Variants in ADGRL3 observed in about 807,000 individuals in gnomAD.
The protein encoded by ADGRL3 is calcium-independent alpha-latrotoxin receptor 3.
In ADGRL3, 62 loss-of-function variants were observed where a neutral mutation model predicts 153.5. The observed-to-expected ratio is 0.40, with a 90% CI of 0.33 to 0.50. The LOEUF is 0.50. Ranked by LOEUF, ADGRL3 falls within the 20% of genes least tolerant of loss-of-function variation. The pLI, the probability that ADGRL3 is intolerant of heterozygous loss-of-function variation, is 0.47. For missense variants in ADGRL3, 1,641 were observed against 1,859.4 expected, an observed-to-expected ratio of 0.88 and a Z score of 2.16; for synonymous variants, 710 against 672.5, an observed-to-expected ratio of 1.06 and a Z score of -0.86.
chr4:61,861,201 A>G (rs758266739), intron 9 of ADGRL3, among the ~76,000 whole-genome samples: 5 of 152,186 alleles, frequency 3.3e-5, no homozygotes, highest in African/African-American at 4.8e-5. Context: ...AAAAGCAAGG[A>G]TTTGGAAATA....
At chr4:61,369,615 T>C (rs2096481233) in intron 1 of ADGRL3, among the ~76,000 whole-genome samples, 2 of 152,312 alleles carry the variant, frequency 1.3e-5, no homozygotes, top group Middle Eastern at 6.8e-3. Context: ...TTTGATGTGC[T>C]GCTGGATTCG....
chr4:61,362,812 A>G (rs917561333), intron 1 of ADGRL3, among the ~76,000 whole-genome samples: 6 of 152,136 alleles, frequency 3.9e-5, no homozygotes, highest in South Asian at 4.1e-4. Context: ...GAGTCAAACT[A>G]TATAAAGTTT....
chr4:62,063,696 C>T (rs968296767), intron 25 of ADGRL3: 4 of 565,050 alleles, frequency 7.1e-6, no homozygotes, highest in Non-Finnish European at 1.3e-5. Context: ...GTTTTATGGG[C>T]AAATTCTATT....
intron 25 of ADGRL3, 47 bp from the exon 26 acceptor site, chr4:62,068,119 A>G: frequency 1.5e-6 from 2 of 1,360,992 alleles, no homozygotes; most frequent in Non-Finnish European, 2.0e-6. Flanking sequence ...TGTCGCTGTA[A>G]GCTTACTTGT....
In ADGRL3 at chr4:62,072,491, T is replaced by C. The variant is rs1746003726; in HGVS notation, c.*1583T>C. On this transcript the variant is annotated 3_prime_UTR_variant, in exon 27 of 27. Transcript: ENST00000683033. The stretch of plus-strand genomic sequence containing the variant: ...TATGATTAATCAGTCTTTTTATTTT[T>C]CTCGCCTTTCTTTCTTTCTGTTTTC... 1 of 152,610 alleles carries C rather than the reference T, an allele frequency of 6.6e-6. No homozygotes were observed. The highest frequency in any genetic ancestry group is 1.5e-5 in the Non-Finnish European group (1 of 68,040). The allele number at this position is 152,610 out of a possible 1,614,324, so 9.5% of individuals were successfully genotyped here.
chr4:61,371,163 A>G (rs982155351), intron 1 of ADGRL3, among the ~76,000 whole-genome samples: 6 of 150,738 alleles, frequency 4.0e-5, no homozygotes, highest in African/African-American at 1.5e-4. Flanking sequence ...CAGCACACTG[A>G]TGGGTCTTGA....
intron 1 of ADGRL3, among the ~76,000 whole-genome samples, chr4:61,362,681 G>A (rs956077256): frequency 2.6e-5 from 4 of 152,004 alleles, no homozygotes; most frequent in African/African-American, 4.8e-5. Flanking sequence ...TTTCAGCCTC[G>A]TCTTCACATT....
At chr4:62,066,203 A>C (rs1395839026) in intron 25 of ADGRL3, among the ~76,000 whole-genome samples, 2 of 152,056 alleles carry the variant, frequency 1.3e-5, no homozygotes, top group Non-Finnish European at 2.9e-5. Context: ...CTTTCAGATG[A>C]ATGCACTTAT....
chr4:61,356,637 G>A (rs914635612), intron 1 of ADGRL3, among the ~76,000 whole-genome samples: 1 of 151,928 alleles, frequency 6.6e-6, no homozygotes, highest in African/African-American at 2.4e-5. Flanking sequence ...GCATCAAATA[G>A]CTTCTTGAAT....
intron 6 of ADGRL3, 119 bp from the exon 7 acceptor site, chr4:61,730,503 A>T: frequency 3.3e-6 from 1 of 306,028 alleles, no homozygotes; most frequent in Non-Finnish European, 6.4e-6. Flanking sequence ...AGCAAGTATG[A>T]GTGAAATAAA....
intron 5 of ADGRL3, among the ~76,000 whole-genome samples, chr4:61,590,218 T>C (rs1051059863): frequency 6.6e-6 from 1 of 152,152 alleles, no homozygotes; most frequent in African/African-American, 2.4e-5. Context: ...TGTAGGCTTC[T>C]AGAAGGCAGA....
intron 8 of ADGRL3, among the ~76,000 whole-genome samples, chr4:61,765,511 G>A (rs954071285): frequency 7.2e-5 from 11 of 152,034 alleles, no homozygotes; most frequent in African/African-American, 2.4e-4. Context: ...ACAGAGGACC[G>A]TAAGGGATAT....
chr4:61,334,209 G>A (rs1490291832), intron 1 of ADGRL3, among the ~76,000 whole-genome samples: 11 of 152,092 alleles, frequency 7.2e-5, no homozygotes, highest in East Asian at 1.9e-4. Context: ...AAGCCACCGC[G>A]CCCAGCCAAC....
Position 61,436,752 on chromosome 4 carries a change from A to G in ADGRL3, c.-174+53563A>G, listed in dbSNP as rs562626997. The stretch of plus-strand genomic sequence containing the variant: ...AGTCTCCTTGTAAATGTTGAGGCCA[A>G]TTTCCTGAAAATCATAGTGGTAAGG... On this transcript the variant is annotated intron_variant, in intron 2 of 26. Coordinates refer to ENST00000683033, the MANE Select transcript of ADGRL3 (RefSeq NM_001387552.1). Among the ~76,000 whole-genome samples, 123 of 152,226 alleles carry G rather than the reference A, an allele frequency of 8.1e-4. 1 individual carries two copies. The highest frequency in any genetic ancestry group is 2.1e-4 in the Non-Finnish European group (14 of 68,002).
chr4:61,237,819 G>T (rs2149279855), intron 1 of ADGRL3, among the ~76,000 whole-genome samples: 1 of 152,266 alleles, frequency 6.6e-6, no homozygotes, highest in Admixed American at 6.5e-5. Context: ...GGAGCCAGGT[G>T]ATATTGTCAT....
intron 9 of ADGRL3, among the ~76,000 whole-genome samples, chr4:61,852,733 T>C (rs2098220824): frequency 6.6e-6 from 1 of 152,200 alleles, no homozygotes; most frequent in Non-Finnish European, 1.5e-5. Flanking sequence ...GAAAAAGTCT[T>C]TATGAGTTAA....
At chr4:61,935,058 CTCT>C in intron 14 of ADGRL3, 35 bp downstream of exon 14, 1 of 1,577,140 alleles carries the variant, frequency 6.3e-7, no homozygotes, top group African/African-American at 1.3e-5. Context: ...GGTCCAGACA[CTCT>C]TGTATATCAG....
At chr4:61,538,973 C>G (rs1052266749) in intron 4 of ADGRL3, among the ~76,000 whole-genome samples, 5 of 152,156 alleles carry the variant, frequency 3.3e-5, no homozygotes, top group African/African-American at 1.2e-4. Flanking sequence ...ACATCCCTGT[C>G]ATAGGGATCA....
intron 4 of ADGRL3, among the ~76,000 whole-genome samples, chr4:61,542,939 G>A (rs555119224): frequency 2.1e-4 from 32 of 152,134 alleles, no homozygotes; most frequent in African/African-American, 7.5e-4. Context: ...TGACTTCTCA[G>A]CATTGTATGA....
Sources: gnomAD v4.1 joint callset for allele counts (sites outside exome capture counted in the v4.1 genomes callset) on GRCh38, gnomAD v4.1.1 for gene constraint, MANE v1.5 for transcripts, NCBI Gene and HGNC (gene_info 2026-07-23, HGNC 2026-07-21) for gene names.